WDR26: variants seen among roughly 807,000 people sequenced by gnomAD.
WDR26 encodes the protein WD repeat-containing protein 26.
A neutral mutation model predicts 84.1 loss-of-function variants in WDR26; 5 were observed. The ratio of observed to expected loss-of-function variants is 0.06; its 90% CI spans 0.03 to 0.13. WDR26 has a LOEUF of 0.13. Ranked by LOEUF, WDR26 falls within the 10% of genes least tolerant of loss-of-function variation. The probability of loss-of-function intolerance (pLI) is 1.00; values close to 1 mark genes in which losing one functional copy is unlikely to be tolerated. For missense variants in WDR26, 642 were observed against 974.9 expected, an observed-to-expected ratio of 0.66 and a Z score of 4.55; for synonymous variants, 415 against 389.6, an observed-to-expected ratio of 1.07 and a Z score of -0.77.
chr1:224,406,730 G>C (rs1242109289), intron 7 of WDR26, among the ~76,000 whole-genome samples: 3 of 152,024 alleles, frequency 2.0e-5, no homozygotes, highest in East Asian at 3.9e-4. Context: ...AAGTCTTCCT[G>C]ACTAGCTCAA....
intron 13 of WDR26, among the ~76,000 whole-genome samples, chr1:224,392,205 C>CAAA (rs1380524303): frequency 1.3e-5 from 2 of 151,782 alleles, no homozygotes; most frequent in Non-Finnish European, 2.9e-5. Flanking sequence ...ACTAAAAATA[C>CAAA]AAAAAATTAG....
intron 6 of WDR26, among the ~76,000 whole-genome samples, chr1:224,414,141 T>C (rs941816638): frequency 1.3e-5 from 2 of 150,100 alleles, no homozygotes; most frequent in Non-Finnish European, 3.0e-5. Flanking sequence ...GAGTTTCGCT[T>C]GTTGCCCAGG....
chr1:224,410,255 T>C (rs538660472), intron 7 of WDR26, among the ~76,000 whole-genome samples: 2 of 125,988 alleles, frequency 1.6e-5, no homozygotes, highest in African/African-American at 6.4e-5. Flanking sequence ...CACTCCAGCC[T>C]GGGGGACAAG....
chr1:224,433,945 G>C lies in WDR26; in HGVS notation c.461C>G (p.Ala154Gly). The change falls in exon 1 of 14, where the codon GCC becomes GGC. Residue 154 changes from alanine (A) to glycine (G), a missense_variant. By Grantham distance (60) the Ala-to-Gly change is moderately conservative (BLOSUM62 0). Around this residue, in one of 2 missense-constraint regions of WDR26, gnomAD observed 291 missense variants for 302.1 expected, o/e 0.96. Coordinates refer to ENST00000414423, the MANE Select transcript of WDR26 (RefSeq NM_001379403.1). ...GGAAGGCAGGAGCCCATTGGCGTGG[G>C]CCAGGTCCCCCGCGGACGACGACGA... 1 of 1,533,702 alleles carries C rather than the reference G, an allele frequency of 6.5e-7. No homozygotes were observed. Among genetic ancestry groups the C allele is most frequent in the Non-Finnish European group, 8.7e-7 (1 of 1,144,612 alleles).
At position 224,411,579 on chromosome 1, in the gene WDR26, G is replaced by T. The variant is rs1402671345; in HGVS notation, c.1320-14C>A. The T allele has an allele frequency of 1.9e-6, 3 of 1,566,668 alleles. No individual in the cohort carries two copies. The highest frequency in any genetic ancestry group is 1.9e-5 in the Admixed American group (1 of 51,944). On this transcript the variant is annotated splice_polypyrimidine_tract_variant and intron_variant, in intron 6 of 13. Transcript: ENST00000414423. ...GGGAACTGCCTCCTAAAACAAAGAG[G>T]TCCACAAATTATTCTTTCAAAACAG... is the stretch of plus-strand genomic sequence containing the variant.
chr1:224,404,371 A>G, intron 8 of WDR26, 59 bp downstream of exon 8: 3 of 1,566,816 alleles, frequency 1.9e-6, no homozygotes, highest in Non-Finnish European at 2.6e-6. Context: ...GTTATAATGA[A>G]TATGTACATT....
chr1:224,421,430 C>T (rs575682673), intron 4 of WDR26, among the ~76,000 whole-genome samples: 2 of 152,100 alleles, frequency 1.3e-5, no homozygotes, highest in East Asian at 3.9e-4. Flanking sequence ...ACTAAAAATA[C>T]AGAAAAAAAA....
intron 1 of WDR26, among the ~76,000 whole-genome samples, chr1:224,432,256 C>A (rs995005236): frequency 6.6e-6 from 1 of 152,148 alleles, no homozygotes; most frequent in Non-Finnish European, 1.5e-5. Context: ...TAAAACAAAT[C>A]CAGCATCAAA....
chr1:224,425,851 G>C (rs182299360), intron 3 of WDR26, among the ~76,000 whole-genome samples: 1 of 152,030 alleles, frequency 6.6e-6, no homozygotes, highest in Non-Finnish European at 1.5e-5. Context: ...TTTCTTCTTC[G>C]TAAGATGCTT....
chr1:224,424,592 C>T lies in WDR26; in HGVS notation c.990G>A (p.Leu330=). 2 of 1,614,158 alleles carry T rather than the reference C, an allele frequency of 1.2e-6. No individual in the cohort carries two copies. Among genetic ancestry groups the T allele is most frequent in the African/African-American group, 2.7e-5 (2 of 75,046 alleles). ...CACAGCGTAGAACTTGAAGTGCCTC[C>T]AGGACCTTGCCATCCTCCAGGTATT... Residue 330 remains leucine, a synonymous_variant, in exon 4 of 14, where the codon CTG becomes CTA. Coordinates refer to ENST00000414423, the MANE Select transcript of WDR26 (RefSeq NM_001379403.1).
chr1:224,389,750 A>G lies in WDR26; in HGVS notation c.*85T>C. The G allele has an allele frequency of 7.5e-7, 1 of 1,328,382 alleles. No homozygotes were observed. The highest frequency in any genetic ancestry group is 1.7e-5 in the Admixed American group (1 of 58,568). The allele number at this position is 1,328,382 out of a possible 1,614,324, so 82.3% of individuals were successfully genotyped here. A position where few individuals can be genotyped will look rare whatever the true frequency, so the allele number is the denominator to read the frequency against. On this transcript the variant is annotated 3_prime_UTR_variant, in exon 14 of 14. Coordinates refer to ENST00000414423, the MANE Select transcript of WDR26 (RefSeq NM_001379403.1). Reference sequence around the variant, plus strand: ...GACGAGCATGTCTGTCCAGCTATCAATCATGTTTGTTTGCACCAAATCCCA... The same window carrying G: ...GACGAGCATGTCTGTCCAGCTATCAGTCATGTTTGTTTGCACCAAATCCCA...
chr1:224,427,656 C>T (rs937340389), intron 3 of WDR26, among the ~76,000 whole-genome samples: 31 of 152,178 alleles, frequency 2.0e-4, no homozygotes, highest in African/African-American at 7.2e-4. Context: ...TGCATGGCAA[C>T]TAACATGCTG....
At chr1:224,400,395 CA>C (rs1673379604) in intron 9 of WDR26, among the ~76,000 whole-genome samples, 1 of 151,464 alleles carries the variant, frequency 6.6e-6, no homozygotes, top group Non-Finnish European at 1.5e-5. Context: ...TAGCAAAACA[CA>C]TTTTTTTGTT....
At chr1:224,410,690 C>CTTT (rs1181898974) in intron 7 of WDR26, among the ~76,000 whole-genome samples, 1 of 122,936 alleles carries the variant, frequency 8.1e-6, no homozygotes, top group African/African-American at 3.5e-5. Context: ...ATTAATCTTT[C>CTTT]TTTCTTTTTT....
In WDR26 at chr1:224,431,563, C is replaced by G; in HGVS notation, c.841G>C (p.Glu281Gln). The change falls in exon 3 of 14, where the codon GAA (glutamate) becomes CAA (glutamine). Residue 281 changes from glutamate (E) to glutamine (Q), a missense_variant. Glu to Gln is a conservative substitution (Grantham distance 29). Transcript: ENST00000414423. ...GGAGAATGCACTAAAGGCTTTAGTT[C>G]ATTCAGGTCATTTTCTGCCTGTAAA... The G allele has an allele frequency of 6.2e-7, 1 of 1,613,664 alleles. No homozygotes were observed. Among genetic ancestry groups the G allele is most frequent in the South Asian group, 1.1e-5 (1 of 90,998 alleles).
chr1:224,422,052 G>T (rs1475323473), intron 4 of WDR26, among the ~76,000 whole-genome samples: 1 of 152,058 alleles, frequency 6.6e-6, no homozygotes, highest in African/African-American at 2.4e-5. Context: ...ATGCTATAAA[G>T]AAAAAACATA....
intron 4 of WDR26, among the ~76,000 whole-genome samples, chr1:224,422,540 A>AC (rs536793799): frequency 1.3e-5 from 2 of 152,208 alleles, no homozygotes; most frequent in South Asian, 2.1e-4. Context: ...ATGTGGTGAG[A>AC]CCCCATCTCT....
intron 3 of WDR26, among the ~76,000 whole-genome samples, chr1:224,425,756 G>T (rs1674191267): frequency 6.6e-6 from 1 of 152,186 alleles, no homozygotes; most frequent in Non-Finnish European, 1.5e-5. Flanking sequence ...CAGTAGGTAG[G>T]AAATGTTAGT....
At chr1:224,392,611 G>GTCCTA (rs1673158448) in intron 13 of WDR26, among the ~76,000 whole-genome samples, 1 of 152,136 alleles carries the variant, frequency 6.6e-6, no homozygotes, top group Admixed American at 6.5e-5. Flanking sequence ...ATTTCCTAGA[G>GTCCTA]GAATGTTAGA....
Sources: allele counts gnomAD v4.1 joint callset (sites outside exome capture counted in the v4.1 genomes callset), GRCh38; gene constraint gnomAD v4.1.1; regional missense constraint gnomAD v4.1.1; transcripts MANE v1.5; gene names NCBI Gene and HGNC (gene_info 2026-07-23, HGNC 2026-07-21).